SYK: variants seen among roughly 807,000 people sequenced by gnomAD.
SYK encodes tyrosine-protein kinase SYK.
In SYK, 16 loss-of-function variants were observed where a neutral mutation model predicts 77.8. The ratio of observed to expected loss-of-function variants is 0.21; its 90% CI spans 0.14 to 0.31. The LOEUF (loss-of-function observed/expected upper bound fraction) is 0.31. Ranked by LOEUF, SYK falls within the 10% of genes least tolerant of loss-of-function variation. The pLI is 1.00. For synonymous variants in SYK, 312 were observed against 308.7 expected (o/e 1.01, Z -0.11); for missense variants, 529 against 814.4 (o/e 0.65, Z 4.26).
Position 90,896,416 on chromosome 9 carries a change from C to G in SYK, c.*816C>G, listed in dbSNP as rs1382278249. 5 of 233,252 alleles carry G rather than the reference C, an allele frequency of 2.1e-5. No homozygotes were observed. Among genetic ancestry groups the G allele is most frequent in the African/African-American group, 1.1e-4 (5 of 45,366 alleles). 14.4% of individuals were successfully genotyped at this position (233,252 alleles called of 1,614,324 possible). On this transcript the variant is annotated 3_prime_UTR_variant, in exon 14 of 14. Coordinates refer to ENST00000375754, the MANE Select transcript of SYK (RefSeq NM_003177.7). ...CAGCAGGGGCAAGAGGCCCATCCCCCAGCATCTCACTGAGGACAGCTTCAG... is the reference window on the plus strand; with the variant it reads ...CAGCAGGGGCAAGAGGCCCATCCCCGAGCATCTCACTGAGGACAGCTTCAG...
At chr9:90,829,018 C>T (rs193000980) in intron 1 of SYK, among the ~76,000 whole-genome samples, 4 of 152,314 alleles carry the variant, frequency 2.6e-5, no homozygotes, top group Non-Finnish European at 5.9e-5. Flanking sequence ...AGGCCAGGCG[C>T]AGAGGCTCAC....
chr9:90,820,365 GGCCCTGCCCCT>G (rs1183043659), intron 1 of SYK, among the ~76,000 whole-genome samples: 1 of 152,218 alleles, frequency 6.6e-6, no homozygotes, highest in Admixed American at 6.5e-5. Flanking sequence ...TATCCATGAG[GGCCCTGCCCCT>G]GCAGCGAACT....
chr9:90,861,230 C>A (rs879306600), intron 3 of SYK, among the ~76,000 whole-genome samples: 9 of 152,156 alleles, frequency 5.9e-5, no homozygotes, highest in Non-Finnish European at 1.2e-4. Flanking sequence ...GAGTCATAAG[C>A]CTTACGTGGC....
intron 1 of SYK, among the ~76,000 whole-genome samples, chr9:90,830,387 C>T (rs1167046554): frequency 6.6e-6 from 1 of 152,212 alleles, no homozygotes; most frequent in African/African-American, 2.4e-5. Context: ...TTCTTTTGTA[C>T]AGTGGGATTC....
chr9:90,840,099 G>C (rs888809497), intron 1 of SYK, among the ~76,000 whole-genome samples: 12 of 152,304 alleles, frequency 7.9e-5, no homozygotes, highest in South Asian at 2.1e-4. Flanking sequence ...TGGGCAGTAA[G>C]GAACATGCAC....
At chr9:90,889,712 C>G (rs1828718936) in intron 13 of SYK, among the ~76,000 whole-genome samples, 1 of 152,218 alleles carries the variant, frequency 6.6e-6, no homozygotes, top group Non-Finnish European at 1.5e-5. Flanking sequence ...CTGGCCTGGG[C>G]CCCGGAGCAT....
intron 3 of SYK, among the ~76,000 whole-genome samples, chr9:90,860,133 T>A (rs1291865805): frequency 1.3e-5 from 2 of 152,234 alleles, no homozygotes; most frequent in East Asian, 3.9e-4. Flanking sequence ...GGATTACAGA[T>A]GTGTGCCACT....
At chr9:90,835,195 G>C (rs548178134) in intron 1 of SYK, among the ~76,000 whole-genome samples, 1 of 152,342 alleles carries the variant, frequency 6.6e-6, no homozygotes, top group South Asian at 2.1e-4. Flanking sequence ...CCATCATAAG[G>C]AGGGGGAACA....
At chr9:90,841,530 T>G (rs1826336853) in intron 1 of SYK, among the ~76,000 whole-genome samples, 1 of 132,276 alleles carries the variant, frequency 7.6e-6, no homozygotes, top group Non-Finnish European at 1.7e-5. Flanking sequence ...GTAGTGGGCA[T>G]GTAGTATGGG....
chr9:90,878,926 A>T lies in SYK; in HGVS notation c.1554A>T (p.Ala518=), dbSNP rs1828044034. The change falls in exon 11 of 14, where the codon GCA becomes GCT. Residue 518 remains alanine, a synonymous_variant. Coordinates refer to ENST00000375754, the MANE Select transcript of SYK (RefSeq NM_003177.7). ...TCAGTGATTTCGGACTTTCCAAAGC[A>T]CTGCGTGCTGATGAAAACTACTACA... ...AKISDFGLSK[A]LRADENYYKA... is the part of the protein sequence containing the mutation. 1 of 1,612,356 alleles carries T rather than the reference A, an allele frequency of 6.2e-7. No homozygotes were observed. Among genetic ancestry groups the T allele is most frequent in the African/African-American group, 1.3e-5 (1 of 74,934 alleles).
Position 90,895,612 on chromosome 9 carries a change from C to T in SYK, c.*12C>T. 2.5e-6 allele frequency: 4 copies of T among 1,613,214 alleles called. No homozygotes were observed. The highest frequency in any genetic ancestry group is 3.4e-6 in the Non-Finnish European group (4 of 1,179,284). Reference sequence around the variant, plus strand: ...ACGTGGTGAACTAACCGCTCCCGCACCTGTCGGTGGCTGCCTTTGATCACA... The same window carrying T: ...ACGTGGTGAACTAACCGCTCCCGCATCTGTCGGTGGCTGCCTTTGATCACA... On this transcript the variant is annotated 3_prime_UTR_variant, in exon 14 of 14. Transcript: ENST00000375754. The surrounding 1 kb of genome is among the most constrained non-coding windows in gnomAD (Gnocchi z 4.4).
intron 6 of SYK, among the ~76,000 whole-genome samples, chr9:90,866,053 A>T (rs541610749): frequency 1.5e-4 from 22 of 151,600 alleles, no homozygotes; most frequent in Non-Finnish European, 2.9e-4. Context: ...CGCCCGCCAC[A>T]ACACCCGGCT....
At chr9:90,805,926 C>T (rs1355319448) in intron 1 of SYK, among the ~76,000 whole-genome samples, 1 of 152,228 alleles carries the variant, frequency 6.6e-6, no homozygotes, top group Non-Finnish European at 1.5e-5. Context: ...TTTGTTGACA[C>T]TGAGAATTCA....
At chr9:90,881,401 C>T (rs957322675) in intron 11 of SYK, among the ~76,000 whole-genome samples, 1 of 152,016 alleles carries the variant, frequency 6.6e-6, no homozygotes, top group Non-Finnish European at 1.5e-5. Flanking sequence ...AAAAGTGGGC[C>T]GGGCGTGGTG....
At chr9:90,846,166 G>A (rs932237975) in intron 3 of SYK, among the ~76,000 whole-genome samples, 2 of 152,174 alleles carry the variant, frequency 1.3e-5, no homozygotes, top group African/African-American at 4.8e-5. Context: ...AATCTAAATT[G>A]TAGAAGGTTC....
chr9:90,825,422 C>T (rs1340945891), intron 1 of SYK, among the ~76,000 whole-genome samples: 1 of 152,108 alleles, frequency 6.6e-6, no homozygotes, highest in Admixed American at 6.5e-5. Flanking sequence ...AACACAATAC[C>T]CACTAAAAAG....
In SYK at chr9:90,884,516, C is replaced by CATATACACATATGTGTACATGTACAT. The variant is rs1828374388; in HGVS notation, c.1582-3232_1582-3231insTATACACATATGTGTACATGTACATA. 1.8e-5 allele frequency among the ~76,000 whole-genome samples: 2 copies of CATATACACATATGTGTACATGTACAT among 108,218 alleles called. 1 individual carries two copies. Among genetic ancestry groups the CATATACACATATGTGTACATGTACAT allele is most frequent in the African/African-American group, 6.6e-5 (2 of 30,308 alleles). 71.0% of individuals were successfully genotyped at this position (108,218 alleles called of 152,430 possible). On this transcript the variant is annotated intron_variant, in intron 11 of 13. Transcript: ENST00000375754. ...ACATATGTGTACATGTACATACATA[C>CATATACACATATGTGTACATGTACAT]ACATACACATATGTGTACATGTACA... is the stretch of plus-strand genomic sequence containing the variant.
intron 3 of SYK, among the ~76,000 whole-genome samples, chr9:90,847,270 A>C (rs917907514): frequency 2.6e-5 from 4 of 152,174 alleles, no homozygotes; most frequent in Non-Finnish European, 4.4e-5. Context: ...TATGCAAGAG[A>C]GTCTCAAACT....
rs2184168 is a variant in SYK, at chr9:90,889,277, G to A, written c.1835+650G>A. On this transcript the variant is annotated intron_variant, in intron 13 of 13. Transcript: ENST00000375754. ...AAAATTAGGAGTACAGTTTTGCCAG[G>A]CTCAGCAGCCTGCTTGTGCGTGCAT... is the stretch of plus-strand genomic sequence containing the variant. Among the ~76,000 whole-genome samples, 979 of 152,332 alleles carry A rather than the reference G, an allele frequency of 6.4e-3. 5 individuals carry two copies. Among genetic ancestry groups the A allele is most frequent in the Middle Eastern group, 0.027 (8 of 294 alleles).
Sources: gnomAD v4.1 joint callset for allele counts (sites outside exome capture counted in the v4.1 genomes callset) on GRCh38, gnomAD v4.1.1 for gene constraint, Gnocchi (gnomAD v3.1) non-coding constraint, MANE v1.5 for transcripts, NCBI Gene and HGNC (gene_info 2026-07-23, HGNC 2026-07-21) for gene names.